Variants in TFR2 observed in about 807,000 individuals in gnomAD.
The protein encoded by TFR2 is transferrin receptor 2, also known as transferrin receptor protein 2.
A neutral mutation model predicts 91.9 loss-of-function variants in TFR2; 64 were observed. The ratio of observed to expected loss-of-function variants is 0.70; its 90% CI spans 0.57 to 0.86. The LOEUF (loss-of-function observed/expected upper bound fraction) is 0.86, where lower values mean the gene tolerates loss of function less well. Among genes scored for constraint, TFR2 ranks in the 40% least tolerant of loss-of-function variants. The pLI is 0.00. For synonymous variants in TFR2, 454 were observed against 459.6 expected (o/e 0.99, Z 0.15); for missense variants, 950 against 1,080.5 (o/e 0.88, Z 1.69).
rs1803311272 is a variant in TFR2, at chr7:100,627,831, G to A, written c.1606-11C>T. ...GTTGGGAGAATCCACCTGGGGGTTG[G>A]GGAAGGGCACTGATCAGGCTCTGCT... On this transcript the variant is annotated splice_polypyrimidine_tract_variant and intron_variant, in intron 13 of 17. Transcript: ENST00000223051. 1.2e-6 allele frequency: 2 copies of A among 1,613,946 alleles called. No individual in the cohort carries two copies. Among genetic ancestry groups the A allele is most frequent in the Admixed American group, 3.3e-5 (2 of 59,988 alleles).
chr7:100,633,064 C>T lies in TFR2; in HGVS notation c.786G>A (p.Arg262=), dbSNP rs1399765515. 2 of 1,613,666 alleles carry T rather than the reference C, an allele frequency of 1.2e-6. No individual in the cohort carries two copies. Among genetic ancestry groups the T allele is most frequent in the South Asian group, 2.2e-5 (2 of 91,080 alleles). ...RPEDLQDLRA[R]GVDPVGRLLL... is the part of the protein sequence containing the mutation. ...GCAGGCGGCCCACTGGATCCACGCC[C>T]CTGGCCCGCAGGTCCTGCAGGTCTT... Residue 262 remains arginine, a synonymous_variant, in exon 6 of 18, where the codon AGG becomes AGA. Coordinates refer to ENST00000223051, the MANE Select transcript of TFR2 (RefSeq NM_003227.4).
intron 9 of TFR2, 147 bp from the exon 10 acceptor site, chr7:100,629,519 C>T: frequency 6.7e-7 from 1 of 1,490,008 alleles, no homozygotes; most frequent in Non-Finnish European, 9.1e-7. Context: ...GCGCCCCTCC[C>T]CACTTGGCCC....
At chr7:100,641,249 T>A in intron 1 of TFR2, 21 bp from the exon 2 acceptor site, 1 of 1,527,092 alleles carries the variant, frequency 6.5e-7, no homozygotes, top group South Asian at 1.2e-5. Flanking sequence ...GAGGTGGGCA[T>A]GAGATTGGGG....
Position 100,626,576 on chromosome 7 carries a change from G to T in TFR2, c.2136+187C>A, listed in dbSNP as rs540370991. ...CCCTGTCCATTTCATCACTTTGATCGCTCGGGTCCTCCAGCCTGACCGATC... is the reference window on the plus strand; with the variant it reads ...CCCTGTCCATTTCATCACTTTGATCTCTCGGGTCCTCCAGCCTGACCGATC... On this transcript the variant is annotated intron_variant, in intron 17 of 17. Coordinates refer to ENST00000223051, the MANE Select transcript of TFR2 (RefSeq NM_003227.4). 22 of 1,414,368 alleles carry T rather than the reference G, an allele frequency of 1.6e-5. No individual in the cohort carries two copies. The East Asian group carries it at 3.4e-4, about 22-fold the overall frequency. 87.6% of individuals were successfully genotyped at this position (1,414,368 alleles called of 1,614,324 possible).
At chr7:100,630,233 T>TTCCTTCC (rs774930280) in intron 9 of TFR2, among the ~76,000 whole-genome samples, 1 of 150,234 alleles carries the variant, frequency 6.7e-6, no homozygotes, top group Non-Finnish European at 1.5e-5. Context: ...CCTTCCTTCC[T>TTCCTTCC]TTCTCTCTCT....
At position 100,628,153 on chromosome 7, in the gene TFR2, A is replaced by T; in HGVS notation, c.1474-17T>A. ...GAGGTAGCCCTGTGGGTGGGTGACC[A>T]GTGTGGAGTGGGAACCCCCCACCCC... On this transcript the variant is annotated splice_polypyrimidine_tract_variant and intron_variant, in intron 11 of 17. Transcript: ENST00000223051. 1 of 1,614,066 alleles carries T rather than the reference A, an allele frequency of 6.2e-7. No homozygotes were observed. Among genetic ancestry groups the T allele is most frequent in the Non-Finnish European group, 8.5e-7 (1 of 1,179,988 alleles).
At chr7:100,637,967 G>T (rs1803608510) in intron 3 of TFR2, among the ~76,000 whole-genome samples, 1 of 151,954 alleles carries the variant, frequency 6.6e-6, no homozygotes, top group African/African-American at 2.4e-5. Context: ...GAGTAGCTGG[G>T]ATTACAGGCA....
Position 100,631,030 on chromosome 7 carries a change from G to A in TFR2, c.1129C>T (p.Pro377Ser), listed in dbSNP as rs778433259. ...AGGAGGCTCCCCTGCCATTCTTGGG[G>A]GGCCACAGGGCCTTTGAGCTTCCTG... Reference protein sequence around the residue: ...LLRKLKGPVAPQEWQGSLLGS... With the variant: ...LLRKLKGPVASQEWQGSLLGS... The change falls in exon 9 of 18, where the codon CCC (proline) becomes TCC (serine). Residue 377 changes from proline to serine, a missense_variant. By Grantham distance (74) the Pro-to-Ser change is moderately conservative (BLOSUM62 -1). Transcript: ENST00000223051. The A allele has an allele frequency of 1.1e-5, 18 of 1,592,694 alleles. No individual in the cohort carries two copies. Among genetic ancestry groups the A allele is most frequent in the Non-Finnish European group, 1.5e-5 (18 of 1,172,158 alleles).
In TFR2 at chr7:100,628,134, GC is replaced by G; in HGVS notation, c.1475del (p.Gly492AlafsTer11). 6.2e-7 allele frequency: 1 copy of G among 1,614,126 alleles called. No individual in the cohort carries two copies. The highest frequency in any genetic ancestry group is 1.3e-5 in the African/African-American group (1 of 75,034). On this transcript the variant is annotated frameshift_variant and splice_region_variant, in exon 12 of 18. Transcript: ENST00000223051. LOFTEE classifies it high-confidence loss of function. ...GSVGSTEWLEGYLSVLHLKAV... is the reference protein window; with the variant it reads ...GSVGSTEWLEXYLSVLHLKAV... ...CTTTGAGGTGCAGCACGCTGAGGTA[GC>G]CCTGTGGGTGGGTGACCAGTGTGGA...
In TFR2 at chr7:100,633,552, T is replaced by C; in HGVS notation, c.478A>G (p.Thr160Ala). Residue 160 changes from threonine (T) to alanine (A), a missense_variant, in exon 4 of 18, where the codon ACC becomes GCC. Transcript: ENST00000223051. ...EGRLEDTIRQ[T>A]SLRERVAGSA... is the part of the protein sequence containing the mutation. ...CCTGCCACCCGTTCCCGAAGGCTGGTTTGCCTAAGCGGGGAGAGGTGGGGA... is the reference window on the plus strand; with the variant it reads ...CCTGCCACCCGTTCCCGAAGGCTGGCTTGCCTAAGCGGGGAGAGGTGGGGA... The C allele has an allele frequency of 6.2e-7, 1 of 1,602,672 alleles. No homozygotes were observed. Among genetic ancestry groups the C allele is most frequent in the East Asian group, 2.2e-5 (1 of 44,800 alleles).
At chr7:100,634,101 G>C (rs920175035) in intron 3 of TFR2, among the ~76,000 whole-genome samples, 1 of 151,128 alleles carries the variant, frequency 6.6e-6, no homozygotes, top group Admixed American at 6.6e-5. Flanking sequence ...CATAGCTGGG[G>C]GTCCTGCCCA....
chr7:100,627,684 G>A (rs780778077), intron 14 of TFR2, 23 bp from the exon 15 acceptor site: 7 of 1,613,816 alleles, frequency 4.3e-6, no homozygotes, highest in Non-Finnish European at 5.1e-6. Context: ...GGGTTGGAGC[G>A]ATCTGTGGGT....
rs754040201 is a variant in TFR2, at chr7:100,628,107, G to A, written c.1503C>T (p.Ala501=). The A allele has an allele frequency of 1.6e-5, 26 of 1,613,986 alleles. No homozygotes were observed. Among genetic ancestry groups the A allele is most frequent in the Non-Finnish European group, 2.0e-5 (24 of 1,180,020 alleles). Residue 501 remains alanine (A), a synonymous_variant, in exon 12 of 18, where the codon GCC becomes GCT. Transcript: ENST00000223051. ...EGYLSVLHLK[A]VVYVSLDNAV... ...CGTTGTCCAGGCTCACGTACACTAC[G>A]GCTTTGAGGTGCAGCACGCTGAGGT...
Position 100,626,916 on chromosome 7 carries a change from G to A in TFR2, c.1996-13C>T, listed in dbSNP as rs1584455681. On this transcript the variant is annotated splice_polypyrimidine_tract_variant and intron_variant, in intron 16 of 17. Transcript: ENST00000223051. ...TCAGCCCGCGGGCCTGGGGTGGGGA[G>A]GCGCGGGCTGGGGCTGGCGGCAGGG... The A allele has an allele frequency of 6.5e-7, 1 of 1,532,276 alleles. No homozygotes were observed. The highest frequency in any genetic ancestry group is 8.8e-7 in the Non-Finnish European group (1 of 1,142,292). The allele number at this position is 1,532,276 out of a possible 1,614,324, so 94.9% of individuals were successfully genotyped here. A position where few individuals can be genotyped will look rare whatever the true frequency, so the allele number is the denominator to read the frequency against.
At position 100,620,926 on chromosome 7, in the gene TFR2, G is replaced by A; in HGVS notation, c.2337C>T (p.Leu779=). 2 of 1,614,178 alleles carry A rather than the reference G, an allele frequency of 1.2e-6. No homozygotes were observed. The highest frequency in any genetic ancestry group is 2.2e-5 in the South Asian group (2 of 91,080). Residue 779 remains leucine (L), a synonymous_variant, in exon 18 of 18, where the codon CTC becomes CTT. Coordinates refer to ENST00000223051, the MANE Select transcript of TFR2 (RefSeq NM_003227.4). ...TGGCTGCCCCTTGCAGCGTCCAGGTGAGCAGGGCTAGCTGACGCCGGAAAC... is the reference window on the plus strand; with the variant it reads ...TGGCTGCCCCTTGCAGCGTCCAGGTAAGCAGGGCTAGCTGACGCCGGAAAC... ...ESRFRRQLAL[L]TWTLQGAANA...
Position 100,637,031 on chromosome 7 carries a change from C to A in TFR2, c.474-3475G>T, listed in dbSNP as rs1454020442. ...CTGTAATCCAAGAAATTTGGGAGGC[C>A]AAGGTAGGAGGATTGCTTGAGCCCA... is the stretch of plus-strand genomic sequence containing the variant. On this transcript the variant is annotated intron_variant, in intron 3 of 17. Transcript: ENST00000223051. Among the ~76,000 whole-genome samples, 3 of 152,168 alleles carry A rather than the reference C, an allele frequency of 2.0e-5. No homozygotes were observed. The East Asian group carries it at 5.8e-4, about 29-fold the overall frequency.
At chr7:100,640,559 A>G (rs1043833650) in intron 3 of TFR2, 127 bp downstream of exon 3, 9 of 1,066,454 alleles carry the variant, frequency 8.4e-6, no homozygotes, top group Non-Finnish European at 1.2e-5. Context: ...GGGGCCAGGA[A>G]GGCAGATGGG....
In TFR2 at chr7:100,626,945, A is replaced by G. The variant is rs1229839473; in HGVS notation, c.1996-42T>C. The G allele has an allele frequency of 3.1e-5, 47 of 1,522,352 alleles. 1 individual carries two copies. Among genetic ancestry groups the G allele is most frequent in the Non-Finnish European group, 3.6e-5 (41 of 1,137,478 alleles). The allele number at this position is 1,522,352 out of a possible 1,614,324, so 94.3% of individuals were successfully genotyped here. Reference sequence around the variant, plus strand: ...CGGGCTGGGGCTGGCGGCAGGGGCCAGGACCCCCGCCTAGCATGGGGACAA... The same window carrying G: ...CGGGCTGGGGCTGGCGGCAGGGGCCGGGACCCCCGCCTAGCATGGGGACAA... On this transcript the variant is annotated intron_variant, in intron 16 of 17. Coordinates refer to ENST00000223051, the MANE Select transcript of TFR2 (RefSeq NM_003227.4).
rs151198873 is a variant in TFR2, at chr7:100,633,010, G to A, written c.840C>T (p.Phe280=). ...GTCCAGGGACACTTACCTTCTGGGC[G>A]AAGCTGATCACCCCCACGCGCACCA... The part of the protein sequence containing the change: ...LLLVRVGVIS[F]AQKVTNAQDF... The change falls in exon 6 of 18, where the codon TTC becomes TTT. Residue 280 remains phenylalanine (F), a synonymous_variant. Transcript: ENST00000223051. The A allele has an allele frequency of 6.2e-7, 1 of 1,613,734 alleles. No homozygotes were observed.
Sources: gnomAD v4.1 joint callset for allele counts (sites outside exome capture counted in the v4.1 genomes callset) on GRCh38, gnomAD v4.1.1 for gene constraint, MANE v1.5 for transcripts, NCBI Gene and HGNC (gene_info 2026-07-23, HGNC 2026-07-21) for gene names.